DOCK2: variants seen among roughly 807,000 people sequenced by gnomAD.
DOCK2 encodes dedicator of cytokinesis 2, also known as dedicator of cytokinesis protein 2.
In DOCK2, 87 loss-of-function variants were observed where a neutral mutation model predicts 248.9. That is an observed-to-expected ratio of 0.35 (90% CI 0.29 to 0.42). The LOEUF (loss-of-function observed/expected upper bound fraction) is 0.42, where lower values mean the gene tolerates loss of function less well. Among genes scored for constraint, DOCK2 ranks in the 10% least tolerant of loss-of-function variants. The pLI is 1.00. For synonymous variants in DOCK2, 805 were observed against 821.6 expected, an observed-to-expected ratio of 0.98 and a Z score of 0.35; for missense variants, 1,747 against 2,300.2, an observed-to-expected ratio of 0.76 and a Z score of 4.92.
chr5:169,734,244 T>C (rs1762923866), intron 22 of DOCK2, among the ~76,000 whole-genome samples: 1 of 152,120 alleles, frequency 6.6e-6, no homozygotes, highest in Non-Finnish European at 1.5e-5. Flanking sequence ...AAATCTAATT[T>C]TTTGTTTTTA....
At chr5:170,081,403 G>A in intron 50 of DOCK2, 1 of 162,124 alleles carries the variant, frequency 6.2e-6, no homozygotes, top group South Asian at 1.9e-4. Context: ...GCCAAGCTGG[G>A]GCTGTAACCA....
At chr5:169,946,741 G>A (rs1001030896) in intron 27 of DOCK2, among the ~76,000 whole-genome samples, 30 of 152,192 alleles carry the variant, frequency 2.0e-4, no homozygotes, top group African/African-American at 5.5e-4. Flanking sequence ...TTCACACAGC[G>A]ATAGGCAATC....
rs1307997957 is a variant in DOCK2, at chr5:169,729,926, T to A, written c.2267+11135T>A. Reference sequence around the variant, plus strand: ...AGTGGGGATTACCTCAGAATGTTATTGTGAGGGTTCTGAAAATGTGATATT... The same window carrying A: ...AGTGGGGATTACCTCAGAATGTTATAGTGAGGGTTCTGAAAATGTGATATT... On this transcript the variant is annotated intron_variant, in intron 22 of 51. Coordinates refer to ENST00000520908, the MANE Select transcript of DOCK2 (RefSeq NM_004946.3). 2.6e-5 allele frequency among the ~76,000 whole-genome samples: 4 copies of A among 152,250 alleles called. No homozygotes were observed. In the East Asian group the frequency reaches 7.7e-4, roughly 29 times the overall value.
intron 27 of DOCK2, among the ~76,000 whole-genome samples, chr5:169,979,207 G>C (rs1181685046): frequency 6.6e-6 from 1 of 152,138 alleles, no homozygotes; most frequent in Non-Finnish European, 1.5e-5. Context: ...GACAGGGCTG[G>C]GAGTTCGAGC....
intron 27 of DOCK2, among the ~76,000 whole-genome samples, chr5:169,905,897 C>T (rs1258060856): frequency 6.6e-6 from 1 of 152,210 alleles, no homozygotes; most frequent in Admixed American, 6.5e-5. Context: ...CACAGTCAAG[C>T]TGATTTCCTA....
intron 14 of DOCK2, among the ~76,000 whole-genome samples, chr5:169,705,032 A>T (rs1031675012): frequency 6.6e-6 from 1 of 151,946 alleles, no homozygotes; most frequent in Non-Finnish European, 1.5e-5. Context: ...TGTGGTGGCA[A>T]GCACCTGTAA....
chr5:170,005,641 A>G (rs946791704), intron 30 of DOCK2, among the ~76,000 whole-genome samples: 21 of 152,164 alleles, frequency 1.4e-4, no homozygotes, highest in African/African-American at 5.1e-4. Flanking sequence ...AAATGTTCCA[A>G]AATTAGACAA....
At chr5:169,731,290 G>T (rs1481160407) in intron 22 of DOCK2, among the ~76,000 whole-genome samples, 2 of 152,196 alleles carry the variant, frequency 1.3e-5, no homozygotes, top group Non-Finnish European at 2.9e-5. Context: ...CCTGGGAGGA[G>T]CCCTATGGGA....
chr5:169,652,455 C>T (rs1757860514), intron 1 of DOCK2, among the ~76,000 whole-genome samples: 1 of 152,270 alleles, frequency 6.6e-6, no homozygotes, highest in Non-Finnish European at 1.5e-5. Context: ...ATGGAGACTT[C>T]ATCTCTCTGA....
At chr5:170,008,052 G>T (rs533280757) in intron 30 of DOCK2, among the ~76,000 whole-genome samples, 131 of 152,226 alleles carry the variant, frequency 8.6e-4, no homozygotes, top group African/African-American at 3.0e-3. Context: ...GTGAATTAGG[G>T]AGGACTTCCA....
intron 26 of DOCK2, among the ~76,000 whole-genome samples, chr5:169,821,879 A>G (rs1252096965): frequency 6.6e-6 from 1 of 152,222 alleles, no homozygotes; most frequent in East Asian, 1.9e-4. Context: ...AACCCATCTC[A>G]CGTGCAGAGA....
intron 27 of DOCK2, among the ~76,000 whole-genome samples, chr5:169,978,395 G>C (rs202107504): frequency 1.4e-5 from 2 of 142,320 alleles, no homozygotes; most frequent in Non-Finnish European, 3.1e-5. Flanking sequence ...GTGTGTGTGG[G>C]GGGGGGGGGG....
intron 27 of DOCK2, chr5:169,934,640 C>T (rs1178726016): frequency 2.2e-6 from 1 of 456,122 alleles, no homozygotes; most frequent in Non-Finnish European, 4.4e-6. Flanking sequence ...GTCTTGTCTC[C>T]TTCCTTTCTA....
At chr5:170,032,269 G>C (rs757404799) in intron 34 of DOCK2, among the ~76,000 whole-genome samples, 3 of 152,140 alleles carry the variant, frequency 2.0e-5, no homozygotes, top group Non-Finnish European at 4.4e-5. Flanking sequence ...CTCGTGATCT[G>C]CCCACCTCGG....
rs1309135858 is a variant in DOCK2 at position 169,716,278 on chromosome 5, T to C, written c.2007T>C (p.Tyr669=). 1.2e-6 allele frequency: 2 copies of C among 1,613,714 alleles called. No homozygotes were observed. Among genetic ancestry groups the C allele is most frequent in the Non-Finnish European group, 1.7e-6 (2 of 1,179,692 alleles). Residue 669 remains tyrosine, a synonymous_variant, in exon 20 of 52, where the codon TAT becomes TAC. Coordinates refer to ENST00000520908, the MANE Select transcript of DOCK2 (RefSeq NM_004946.3). ...IMMEHSQSDE[Y]DILVFDALIY... ...TGGAGCATTCTCAAAGTGATGAATA[T>C]GACATCCTCGTCTTTGATGCCTTGG... is the stretch of plus-strand genomic sequence containing the variant.
intron 44 of DOCK2, among the ~76,000 whole-genome samples, chr5:170,060,044 A>G (rs768968042): frequency 8.5e-5 from 13 of 152,208 alleles, no homozygotes; most frequent in Non-Finnish European, 1.8e-4. Flanking sequence ...ATGAATTTGT[A>G]TCTTGTTCTT....
At chr5:170,044,022 C>T (rs1756610166) in intron 38 of DOCK2, among the ~76,000 whole-genome samples, 1 of 152,204 alleles carries the variant, frequency 6.6e-6, no homozygotes, top group Non-Finnish European at 1.5e-5. Context: ...GAGGAGGGAG[C>T]AGATGGGTAC....
At chr5:169,800,687 CTT>C (rs1260439619) in intron 25 of DOCK2, among the ~76,000 whole-genome samples, 3 of 152,186 alleles carry the variant, frequency 2.0e-5, no homozygotes, top group Middle Eastern at 3.4e-3. Flanking sequence ...AATTGGGACT[CTT>C]TGGTTTCAAG....
At chr5:169,776,078 T>C (rs1765366625) in intron 25 of DOCK2, among the ~76,000 whole-genome samples, 1 of 151,472 alleles carries the variant, frequency 6.6e-6, no homozygotes, top group Non-Finnish European at 1.5e-5. Context: ...TCTCACGATT[T>C]AGAGGAAACC....
Sources: gnomAD v4.1 joint callset for allele counts (sites outside exome capture counted in the v4.1 genomes callset) on GRCh38, gnomAD v4.1.1 for gene constraint, MANE v1.5 for transcripts, NCBI Gene and HGNC (gene_info 2026-07-23, HGNC 2026-07-21) for gene names.